The following FAM227B variants were observed in gnomAD, a reference collection of about 807,000 sequenced individuals.
FAM227B encodes family with sequence similarity 227 member B.
In FAM227B, 88 loss-of-function variants were observed where a neutral mutation model predicts 73.8. The ratio of observed to expected loss-of-function variants is 1.19; its 90% CI spans 1.00 to 1.42. The LOEUF (loss-of-function observed/expected upper bound fraction) is 1.42, where lower values mean the gene tolerates loss of function less well. FAM227B is among the 40% of genes most tolerant of loss of function. The pLI, the probability that FAM227B is intolerant of heterozygous loss-of-function variation, is 0.00. For synonymous variants in FAM227B, 210 were observed against 190.5 expected (o/e 1.10, Z -0.84); for missense variants, 632 against 590.9 (o/e 1.07, Z -0.72).
rs931114685 is a variant in FAM227B at position 49,453,134 on chromosome 15, G to A, written c.1012+55077C>T. Among the ~76,000 whole-genome samples the A allele has an allele frequency of 2.0e-5, 3 of 151,916 alleles. No individual in the cohort carries two copies. The East Asian group carries it at 5.8e-4, about 29-fold the overall frequency. ...TTGAGGTCAACAAAAAGTGGTAGTA[G>A]CATGTTTGGTTCCCATTTTATATTC... On this transcript the variant is annotated intron_variant, in intron 11 of 15. Coordinates refer to ENST00000299338, the MANE Select transcript of FAM227B (RefSeq NM_152647.3).
intron 3 of FAM227B, among the ~76,000 whole-genome samples, chr15:49,594,528 A>C (rs1380974801): frequency 1.3e-5 from 2 of 152,072 alleles, no homozygotes; most frequent in Non-Finnish European, 2.9e-5. Flanking sequence ...GGTTTTTCCA[A>C]TATTATCTTC....
At chr15:49,539,453 C>T (rs1306306448) in intron 10 of FAM227B, among the ~76,000 whole-genome samples, 1 of 152,136 alleles carries the variant, frequency 6.6e-6, no homozygotes, top group Non-Finnish European at 1.5e-5. Context: ...GCCATGGTGC[C>T]AGGATTTGGA....
chr15:49,475,392 G>C (rs987324743), intron 11 of FAM227B, among the ~76,000 whole-genome samples: 1 of 152,118 alleles, frequency 6.6e-6, no homozygotes, highest in Non-Finnish European at 1.5e-5. Context: ...AAGGAACCAG[G>C]GTAGTCCTTT....
At chr15:49,509,224 T>C (rs1360970729) in intron 10 of FAM227B, among the ~76,000 whole-genome samples, 1 of 152,148 alleles carries the variant, frequency 6.6e-6, no homozygotes, top group Non-Finnish European at 1.5e-5. Flanking sequence ...ACCTCTGAAT[T>C]GGTTGGTTTG....
chr15:49,550,162 A>C (rs1598137576), intron 9 of FAM227B, among the ~76,000 whole-genome samples: 3 of 111,674 alleles, frequency 2.7e-5, no homozygotes, highest in Non-Finnish European at 3.6e-5. Flanking sequence ...CAGGGGGCTG[A>C]TCCCCCCACC....
At chr15:49,366,071 T>C (rs2045133344) in intron 13 of FAM227B, 1 of 823,332 alleles carries the variant, frequency 1.2e-6, no homozygotes, top group Non-Finnish European at 2.2e-6. Context: ...CATTTATCTA[T>C]CTTCAGTTGT....
chr15:49,329,518 C>T (rs1033013482), intron 15 of FAM227B: 27 of 985,124 alleles, frequency 2.7e-5, no homozygotes, highest in African/African-American at 3.5e-5. Flanking sequence ...GGGAGGCCTG[C>T]GCAAAGCTAG....
chr15:49,480,289 T>G (rs1355755530), intron 11 of FAM227B, among the ~76,000 whole-genome samples: 1 of 152,088 alleles, frequency 6.6e-6, no homozygotes, highest in Non-Finnish European at 1.5e-5. Context: ...TTAAAAATGT[T>G]CATCACCTTA....
chr15:49,480,406 CA>C (rs1304563748), intron 11 of FAM227B, among the ~76,000 whole-genome samples: 1 of 151,580 alleles, frequency 6.6e-6, no homozygotes, highest in African/African-American at 2.4e-5. Context: ...CTCCCAAGTT[CA>C]AGTGATTCCC....
intron 11 of FAM227B, chr15:49,489,427 C>A: frequency 2.1e-6 from 2 of 956,370 alleles, no homozygotes; most frequent in Non-Finnish European, 2.5e-6. Context: ...TTGAACCAAT[C>A]TGGACTTCCT....
intron 11 of FAM227B, among the ~76,000 whole-genome samples, chr15:49,400,530 C>A (rs1306324078): frequency 1.3e-5 from 1 of 75,680 alleles, no homozygotes; most frequent in Non-Finnish European, 2.8e-5. Flanking sequence ...CAAAAAAGAG[C>A]CCGCATTGCC....
chr15:49,392,537 T>C (rs942116442), intron 11 of FAM227B, among the ~76,000 whole-genome samples: 2 of 152,018 alleles, frequency 1.3e-5, no homozygotes, highest in African/African-American at 4.8e-5. Flanking sequence ...TGAGGTTGAG[T>C]AACAAGGCAA....
At chr15:49,371,201 G>C in intron 12 of FAM227B, 101 bp downstream of exon 12, 1 of 551,680 alleles carries the variant, frequency 1.8e-6, no homozygotes, top group South Asian at 3.2e-5. Flanking sequence ...TATATGGTAA[G>C]AATGTAGTAA....
chr15:49,588,981 T>C (rs1182578695), intron 4 of FAM227B, among the ~76,000 whole-genome samples: 1 of 152,020 alleles, frequency 6.6e-6, no homozygotes, highest in African/African-American at 2.4e-5. Context: ...GTACAATTAG[T>C]ATCATTTCCA....
At chr15:49,588,391 T>C (rs1294798948) in intron 4 of FAM227B, among the ~76,000 whole-genome samples, 2 of 150,832 alleles carry the variant, frequency 1.3e-5, no homozygotes, top group South Asian at 2.1e-4. Context: ...ATTTTTCAAA[T>C]AGCTCAGCCA....
At chr15:49,439,465 A>T (rs575700067) in intron 11 of FAM227B, among the ~76,000 whole-genome samples, 46 of 151,922 alleles carry the variant, frequency 3.0e-4, no homozygotes, top group African/African-American at 1.1e-3. Context: ...TGAATAGTGA[A>T]TACTAAGTGT....
intron 1 of FAM227B, among the ~76,000 whole-genome samples, chr15:49,617,803 T>A (rs1325090680): frequency 2.7e-5 from 4 of 150,698 alleles, no homozygotes; most frequent in African/African-American, 7.4e-5. Context: ...TGTGTGTGTG[T>A]GTGACAGAGT....
chr15:49,524,442 A>C (rs2060007631), intron 10 of FAM227B, among the ~76,000 whole-genome samples: 2 of 152,138 alleles, frequency 1.3e-5, no homozygotes, highest in African/African-American at 4.8e-5. Flanking sequence ...ATTTCATAGG[A>C]TGTATGGAAA....
chr15:49,383,174 T>C (rs912958603), intron 11 of FAM227B, among the ~76,000 whole-genome samples: 9 of 152,232 alleles, frequency 5.9e-5, no homozygotes, highest in African/African-American at 2.2e-4. Context: ...AATATATGTA[T>C]AGGTGGTGGA....
Sources: gnomAD v4.1 joint callset for allele counts (sites outside exome capture counted in the v4.1 genomes callset) on GRCh38, gnomAD v4.1.1 for gene constraint, MANE v1.5 for transcripts, NCBI Gene and HGNC (gene_info 2026-07-23, HGNC 2026-07-21) for gene names.